FLNC: variants seen among roughly 807,000 people sequenced by gnomAD.
The protein encoded by FLNC is filamin-C.
Under a neutral mutation model 254.3 loss-of-function variants are expected in FLNC, and 91 were observed. The ratio of observed to expected loss-of-function variants is 0.36; its 90% CI spans 0.30 to 0.43. The LOEUF (loss-of-function observed/expected upper bound fraction) is 0.43. FLNC is among the 20% of genes least tolerant of loss of function. The pLI is 1.00. For synonymous variants in FLNC, 1,430 were observed against 1,577.2 expected (o/e 0.91, Z 2.21); for missense variants, 2,853 against 3,802.6 (o/e 0.75, Z 6.57).
rs768306795 is a variant in FLNC at position 128,858,934 on chromosome 7, C to T, written c.*411C>T. 4.8e-5 allele frequency: 12 copies of T among 248,732 alleles called. No homozygotes were observed. Among genetic ancestry groups the T allele is most frequent in the Non-Finnish European group, 8.8e-5 (11 of 125,686 alleles). 15.4% of individuals were successfully genotyped at this position (248,732 alleles called of 1,614,324 possible). ...CGCCGGCCAGATACCCTCCTGACCC[C>T]GAGGACTTGGTCTGGTCTCTCTGGT... On this transcript the variant is annotated 3_prime_UTR_variant, in exon 48 of 48. Coordinates refer to ENST00000325888, the MANE Select transcript of FLNC (RefSeq NM_001458.5). This position sits in a 1 kb window ranked among gnomAD's most constrained non-coding sequence, Gnocchi z 6.7.
At chr7:128,831,726 G>A (rs888383186) in intron 1 of FLNC, among the ~76,000 whole-genome samples, 1 of 152,184 alleles carries the variant, frequency 6.6e-6, no homozygotes, top group African/African-American at 2.4e-5. Context: ...CTAACGGTCT[G>A]GGCTGCGGGG....
rs370808172 is a variant in FLNC, at chr7:128,855,218, C to G, written c.7155C>G (p.Ile2385Met). The G allele has an allele frequency of 5.6e-6, 9 of 1,612,814 alleles. No individual in the cohort carries two copies. The highest frequency in any genetic ancestry group is 7.6e-6 in the Non-Finnish European group (9 of 1,178,996). The change falls in exon 43 of 48, where the codon ATC becomes ATG. Residue 2385 changes from isoleucine to methionine, a missense_variant. By Grantham distance (10) the Ile-to-Met change is conservative (BLOSUM62 1). This residue lies in a region of FLNC where 551 missense variants were observed against 835.0 expected (regional missense o/e 0.66). Transcript: ENST00000325888. ...CCCCAGGTGACTATGAGGTCTCCAT[C>G]AAGTTCAATGATGAGCACATCCCAG... Reference protein sequence around the residue: ...VQEPGDYEVSIKFNDEHIPDS... With the variant: ...VQEPGDYEVSMKFNDEHIPDS...
intron 43 of FLNC, 33 bp downstream of exon 43, chr7:128,855,347 G>T (rs2128939790): frequency 1.4e-6 from 2 of 1,384,930 alleles, no homozygotes; most frequent in Non-Finnish European, 2.1e-6. Flanking sequence ...GAGGGTTTCT[G>T]CTATCTGAGA....
chr7:128,850,422 G>C lies in FLNC; in HGVS notation c.5337G>C (p.Glu1779Asp). The C allele has an allele frequency of 6.2e-7, 1 of 1,614,116 alleles. No individual in the cohort carries two copies. The highest frequency in any genetic ancestry group is 1.1e-5 in the South Asian group (1 of 91,082). ...CAGTGGTGCCTGTGGAGCCAATGGA[G>C]TCCATGCTGAGGCCCTTCAACCTGG... ...EEPVVPVEPM[E>D]SMLRPFNLVI... The change falls in exon 32 of 48, where the codon GAG becomes GAC. Residue 1779 changes from glutamate (E) to aspartate (D), a missense_variant. Physicochemically the swap from Glu to Asp is conservative, Grantham distance 45. Transcript: ENST00000325888.
chr7:128,831,695 C>A (rs781700949), intron 1 of FLNC, among the ~76,000 whole-genome samples: 1 of 152,158 alleles, frequency 6.6e-6, no homozygotes, highest in Non-Finnish European at 1.5e-5. Context: ...AGCCCACCCC[C>A]TACCGCGGGA....
At position 128,830,803 on chromosome 7, in the gene FLNC, C is replaced by G; in HGVS notation, c.166C>G (p.Arg56Gly). The change falls in exon 1 of 48, where the codon CGC becomes GGC. Residue 56 changes from arginine (R) to glycine (G), a missense_variant. Physicochemically the swap from Arg to Gly is moderately radical, Grantham distance 125. Transcript: ENST00000325888. ...CNEHLKCVGK[R>G]LTDLQRDLSD... Reference sequence around the variant, plus strand: ...TGAGCACCTCAAGTGCGTGGGCAAGCGCCTGACCGACCTGCAGCGCGACCT... The same window carrying G: ...TGAGCACCTCAAGTGCGTGGGCAAGGGCCTGACCGACCTGCAGCGCGACCT... 6.2e-7 allele frequency: 1 copy of G among 1,613,088 alleles called. No homozygotes were observed. Among genetic ancestry groups the G allele is most frequent in the Non-Finnish European group, 8.5e-7 (1 of 1,179,924 alleles).
Position 128,837,544 on chromosome 7 carries a change from G to A in FLNC, c.846G>A (p.Gly282=), listed in dbSNP as rs1414613230. 1.2e-6 allele frequency: 2 copies of A among 1,614,172 alleles called. No homozygotes were observed. Among genetic ancestry groups the A allele is most frequent in the Admixed American group, 1.7e-5 (1 of 60,032 alleles). Residue 282 remains glycine (G), a synonymous_variant, in exon 4 of 48, where the codon GGG becomes GGA. Coordinates refer to ENST00000325888, the MANE Select transcript of FLNC (RefSeq NM_001458.5). ...QLNPKKAIAY[G]PGIEPQGNTV... ...ACCCCAAGAAAGCCATCGCCTATGG[G>A]CCTGGTATGTGTGAGCCCCTGGCGG...
In FLNC at chr7:128,837,932, G is replaced by T; in HGVS notation, c.970-55G>T. 3.9e-6 allele frequency: 6 copies of T among 1,529,184 alleles called. No homozygotes were observed. The South Asian group carries it at 6.7e-5, about 17-fold the overall frequency. The allele number at this position is 1,529,184 out of a possible 1,614,324, so 94.7% of individuals were successfully genotyped here. A position where few individuals can be genotyped will look rare whatever the true frequency, so the allele number is the denominator to read the frequency against. On this transcript the variant is annotated intron_variant, in intron 5 of 47. Transcript: ENST00000325888. Reference sequence around the variant, plus strand: ...GCTGGGGTGCATAAGGCACTGTGGGGTCAGGAGGGGCTATGGTCATTGGAG... The same window carrying T: ...GCTGGGGTGCATAAGGCACTGTGGGTTCAGGAGGGGCTATGGTCATTGGAG...
Position 128,843,237 on chromosome 7 carries a change from C to A in FLNC, c.2559C>A (p.Pro853=), listed in dbSNP as rs977635757. The change falls in exon 17 of 48, where the codon CCC becomes CCA. Residue 853 remains proline (P), a synonymous_variant. Coordinates refer to ENST00000325888, the MANE Select transcript of FLNC (RefSeq NM_001458.5). The part of the protein sequence containing the change: ...IMVLFANQEI[P]ASPFHIKVDP... ...GCCTCCTCCACATCCAGGAGATCCCCGCCAGCCCCTTCCACATCAAGGTGG... is the reference window on the plus strand; with the variant it reads ...GCCTCCTCCACATCCAGGAGATCCCAGCCAGCCCCTTCCACATCAAGGTGG... The A allele has an allele frequency of 6.3e-7, 1 of 1,597,944 alleles. No homozygotes were observed. The highest frequency in any genetic ancestry group is 1.7e-5 in the Admixed American group (1 of 57,592).
In FLNC at chr7:128,850,004, A is replaced by G; in HGVS notation, c.5228A>G (p.Glu1743Gly). 6.3e-7 allele frequency: 1 copy of G among 1,581,062 alleles called. No individual in the cohort carries two copies. The highest frequency in any genetic ancestry group is 1.8e-5 in the Admixed American group (1 of 56,728). ...TGTGACCCCCTGCCGCACGAGGAGGAGCCCTCTGAAGTGCCACAGCTGCGC... is the reference window on the plus strand; with the variant it reads ...TGTGACCCCCTGCCGCACGAGGAGGGGCCCTCTGAAGTGCCACAGCTGCGC... The part of the protein sequence containing the change: ...LACDPLPHEE[E>G]PSEVPQLRQP... The change falls in exon 31 of 48, where the codon GAG (glutamate) becomes GGG (glycine). Residue 1743 changes from glutamate (E) to glycine (G), a missense_variant. By Grantham distance (98) the Glu-to-Gly change is moderately conservative. Around this residue, in one of 10 missense-constraint regions of FLNC, gnomAD observed 258 missense variants for 312.3 expected, o/e 0.83. Coordinates refer to ENST00000325888, the MANE Select transcript of FLNC (RefSeq NM_001458.5).
chr7:128,849,012 C>T (rs1471451243), intron 28 of FLNC, 30 bp downstream of exon 28: 1 of 1,606,004 alleles, frequency 6.2e-7, no homozygotes, highest in South Asian at 1.1e-5. Flanking sequence ...CCGTGCCCTG[C>T]TCACCACCCA....
chr7:128,845,709 G>A (rs955172679), intron 21 of FLNC, among the ~76,000 whole-genome samples: 8 of 152,048 alleles, frequency 5.3e-5, no homozygotes, highest in Non-Finnish European at 1.0e-4. Context: ...ACAGCCTGGT[G>A]GGTGACTCAA....
chr7:128,844,882 C>T lies in FLNC; in HGVS notation c.3417C>T (p.His1139=), dbSNP rs757494151. The change falls in exon 21 of 48, where the codon CAC becomes CAT. Residue 1139 remains histidine (H), a synonymous_variant. Transcript: ENST00000325888. ...TCAACATCCTGTTTGCTGAGGCCCA[C>T]ATCCCTGGCTCGCCCTTCAAAGCCA... The part of the protein sequence containing the change: ...YTINILFAEA[H]IPGSPFKATI... The T allele has an allele frequency of 9.3e-6, 15 of 1,613,944 alleles. No individual in the cohort carries two copies. Among genetic ancestry groups the T allele is most frequent in the Non-Finnish European group, 1.2e-5 (14 of 1,180,056 alleles).
intron 1 of FLNC, among the ~76,000 whole-genome samples, chr7:128,832,222 C>G (rs1807920963): frequency 6.6e-6 from 1 of 152,180 alleles, no homozygotes; most frequent in South Asian, 2.1e-4. Flanking sequence ...AATACTGCCC[C>G]CCCACCCCAC....
At position 128,836,607 on chromosome 7, in the gene FLNC, T is replaced by A. The variant is rs952438160; in HGVS notation, c.602-553T>A. Reference sequence around the variant, plus strand: ...GCTCCTGAGGGCTGCAGAGGAGAAGTCATTCTCTCCTCACAGGCCCTTTAA... The same window carrying A: ...GCTCCTGAGGGCTGCAGAGGAGAAGACATTCTCTCCTCACAGGCCCTTTAA... On this transcript the variant is annotated intron_variant, in intron 2 of 47. Coordinates refer to ENST00000325888, the MANE Select transcript of FLNC (RefSeq NM_001458.5). This position sits in a 1 kb window ranked among gnomAD's most constrained non-coding sequence, Gnocchi z 6.0. Among the ~76,000 whole-genome samples the A allele has an allele frequency of 6.6e-6, 1 of 152,128 alleles. No individual in the cohort carries two copies. Among genetic ancestry groups the A allele is most frequent in the Non-Finnish European group, 1.5e-5 (1 of 68,010 alleles).
chr7:128,848,394 C>T (rs771738757), intron 26 of FLNC, among the ~76,000 whole-genome samples, 167 bp from the exon 27 acceptor site: 1 of 152,144 alleles, frequency 6.6e-6, no homozygotes, highest in Non-Finnish European at 1.5e-5. Flanking sequence ...TGCCCCCACC[C>T]CCAGACATGG....
chr7:128,858,266 C>T lies in FLNC; in HGVS notation c.7990+49C>T, dbSNP rs1170684669. The T allele has an allele frequency of 8.1e-7, 1 of 1,240,240 alleles. No homozygotes were observed. The highest frequency in any genetic ancestry group is 1.8e-5 in the Admixed American group (1 of 54,480). The allele number at this position is 1,240,240 out of a possible 1,614,324, so 76.8% of individuals were successfully genotyped here. A position where few individuals can be genotyped will look rare whatever the true frequency, so the allele number is the denominator to read the frequency against. ...TCCCGGGGTGTGAGCAAGAAGCCGTCAGGGAGCAGGGTGTGGGTCACAGTA... is the reference window on the plus strand; with the variant it reads ...TCCCGGGGTGTGAGCAAGAAGCCGTTAGGGAGCAGGGTGTGGGTCACAGTA... On this transcript the variant is annotated intron_variant, in intron 47 of 47. Transcript: ENST00000325888. The surrounding 1 kb of genome is among the most constrained non-coding windows in gnomAD (Gnocchi z 6.7).
At position 128,837,758 on chromosome 7, in the gene FLNC, A is replaced by G; in HGVS notation, c.969+3A>G. 6.4e-7 allele frequency: 1 copy of G among 1,570,146 alleles called. No individual in the cohort carries two copies. The highest frequency in any genetic ancestry group is 1.1e-5 in the South Asian group (1 of 87,278). ...ACCCTGAAGGCCACACCGAGGAGGTATGCAGAGGCCGCTGGGGACAGAGGG... is the reference window on the plus strand; with the variant it reads ...ACCCTGAAGGCCACACCGAGGAGGTGTGCAGAGGCCGCTGGGGACAGAGGG... On this transcript the variant is annotated splice_donor_region_variant and intron_variant, in intron 5 of 47. Coordinates refer to ENST00000325888, the MANE Select transcript of FLNC (RefSeq NM_001458.5).
rs780133859 is a variant in FLNC, at chr7:128,848,838, G to T, written c.4783G>T (p.Asp1595Tyr). The T allele has an allele frequency of 1.9e-6, 3 of 1,614,160 alleles. No homozygotes were observed. The highest frequency in any genetic ancestry group is 2.5e-6 in the Non-Finnish European group (3 of 1,180,034). The change falls in exon 28 of 48, where the codon GAT (aspartate) becomes TAT (tyrosine). Residue 1595 changes from aspartate (D) to tyrosine (Y), a missense_variant. This residue lies in a region of FLNC where 1,573 missense variants were observed against 1,883.5 expected (regional missense o/e 0.84). Transcript: ENST00000325888. ...GAAGGCCAACATCCGGGACAATGGGGATGGCACGTACACTGTGTCCTACCT... is the reference window on the plus strand; with the variant it reads ...GAAGGCCAACATCCGGGACAATGGGTATGGCACGTACACTGTGTCCTACCT... Reference protein sequence around the residue: ...PKKANIRDNGDGTYTVSYLPD... With the variant: ...PKKANIRDNGYGTYTVSYLPD...
Sources: gnomAD v4.1 joint callset for allele counts (sites outside exome capture counted in the v4.1 genomes callset) on GRCh38, gnomAD v4.1.1 for gene constraint, gnomAD v4.1.1 regional missense constraint, Gnocchi (gnomAD v3.1) non-coding constraint, MANE v1.5 for transcripts, NCBI Gene and HGNC (gene_info 2026-07-23, HGNC 2026-07-21) for gene names.